The following TNIK variants were observed in gnomAD, a reference collection of about 807,000 sequenced individuals.
TNIK encodes TRAF2 and NCK interacting kinase, also known as TRAF2 and NCK-interacting protein kinase.
In TNIK, 49 loss-of-function variants were observed where a neutral mutation model predicts 191.3. The ratio of observed to expected loss-of-function variants is 0.26; its 90% CI spans 0.20 to 0.32. TNIK has a LOEUF of 0.32. TNIK is among the 10% of genes least tolerant of loss of function. TNIK has a pLI of 1.00. For missense variants in TNIK, 1,155 were observed against 1,702.3 expected, an observed-to-expected ratio of 0.68 and a Z score of 5.66; for synonymous variants, 594 against 600.9, an observed-to-expected ratio of 0.99 and a Z score of 0.17.
At chr3:171,149,224 A>C (rs1288300831) in intron 12 of TNIK, among the ~76,000 whole-genome samples, 1 of 152,220 alleles carries the variant, frequency 6.6e-6, no homozygotes, top group Non-Finnish European at 1.5e-5. Context: ...TAGACAACGG[A>C]GGGTAGGTCT....
chr3:171,199,838 G>A (rs1221784957), intron 4 of TNIK, among the ~76,000 whole-genome samples: 1 of 152,206 alleles, frequency 6.6e-6, no homozygotes, highest in Admixed American at 6.5e-5. Flanking sequence ...ATCTCAAGAT[G>A]TATTTATGAT....
rs999240269 is a variant in TNIK, at chr3:171,169,263, TATTATC to T, written c.774-1999_774-1994del. Among the ~76,000 whole-genome samples the T allele has an allele frequency of 7.9e-5, 12 of 152,202 alleles. No homozygotes were observed. In the South Asian group the frequency reaches 1.0e-3, roughly 13 times the overall value. On this transcript the variant is annotated intron_variant, in intron 9 of 32. Coordinates refer to ENST00000436636, the MANE Select transcript of TNIK (RefSeq NM_015028.4). Reference sequence around the variant, plus strand: ...GGCAACTAGAAGGAAGTGCTTATTTTATTATCATTATTTTTTTTTTTTTAGATGGAG... The same window carrying T: ...GGCAACTAGAAGGAAGTGCTTATTTTATTATTTTTTTTTTTTTAGATGGAG...
Position 171,211,599 on chromosome 3 carries a change from C to G in TNIK, c.181-358G>C, listed in dbSNP as rs145568360. Among the ~76,000 whole-genome samples the G allele has an allele frequency of 1.7e-4, 26 of 152,282 alleles. 1 individual carries two copies. The East Asian group carries it at 4.8e-3, about 28-fold the overall frequency. On this transcript the variant is annotated intron_variant, in intron 3 of 32. Transcript: ENST00000436636. ...ATCAAGTAGCTATTACTGATTCTAT[C>G]TGGTATAAGAAAGATTGAGGAAAAT...
intron 2 of TNIK, among the ~76,000 whole-genome samples, chr3:171,262,025 C>T (rs765151862): frequency 6.6e-6 from 1 of 152,232 alleles, no homozygotes; most frequent in South Asian, 2.1e-4. Flanking sequence ...AACCCAGCAG[C>T]GGGGTCAGTG....
At chr3:171,381,203 T>C (rs1010732310) in intron 1 of TNIK, among the ~76,000 whole-genome samples, 4 of 152,216 alleles carry the variant, frequency 2.6e-5, no homozygotes, top group African/African-American at 9.7e-5. Flanking sequence ...AAAAGCTTTT[T>C]GGCAGACTCA....
intron 4 of TNIK, among the ~76,000 whole-genome samples, chr3:171,204,787 A>G (rs1739856741): frequency 6.6e-6 from 1 of 152,228 alleles, no homozygotes; most frequent in South Asian, 2.1e-4. Flanking sequence ...CCTATTTAGA[A>G]CATCAGCTTC....
At position 171,107,963 on chromosome 3, in the gene TNIK, C is replaced by G. The variant is rs182565741; in HGVS notation, c.2382+102G>C. On this transcript the variant is annotated intron_variant, in intron 20 of 32. Coordinates refer to ENST00000436636, the MANE Select transcript of TNIK (RefSeq NM_015028.4). ...TTCTAGCATCCGTTCTTACTAATCT[C>G]AACAATTTTTGTTTGCATCATGAGT... 2.0e-5 allele frequency: 24 copies of G among 1,189,738 alleles called. 1 individual carries two copies. In the East Asian group the frequency reaches 3.4e-4, roughly 17 times the overall value. 73.7% of individuals were successfully genotyped at this position (1,189,738 alleles called of 1,614,324 possible). A position where few individuals can be genotyped will look rare whatever the true frequency, so the allele number is the denominator to read the frequency against.
chr3:171,249,432 T>A (rs1745984137), intron 2 of TNIK, among the ~76,000 whole-genome samples: 1 of 152,176 alleles, frequency 6.6e-6, no homozygotes, highest in Non-Finnish European at 1.5e-5. Flanking sequence ...TCACCATTAC[T>A]AGACAAGACA....
chr3:171,087,667 G>T (rs746243184), intron 23 of TNIK, among the ~76,000 whole-genome samples, 161 bp from the exon 24 acceptor site: 12 of 152,170 alleles, frequency 7.9e-5, no homozygotes, highest in Non-Finnish European at 1.6e-4. Flanking sequence ...AAACAAAAAA[G>T]AAATTAAGCT....
intron 3 of TNIK, among the ~76,000 whole-genome samples, chr3:171,216,820 T>C (rs1741510756): frequency 6.6e-6 from 1 of 151,998 alleles, no homozygotes; most frequent in Non-Finnish European, 1.5e-5. Context: ...TTACAATAGA[T>C]TGTAATAAAT....
At chr3:171,333,302 T>C (rs1756591601) in intron 2 of TNIK, among the ~76,000 whole-genome samples, 1 of 151,978 alleles carries the variant, frequency 6.6e-6, no homozygotes, top group African/African-American at 2.4e-5. Flanking sequence ...ACACCTATAA[T>C]CCCAGCACTT....
chr3:171,133,101 G>A (rs946430600), intron 15 of TNIK, among the ~76,000 whole-genome samples: 3 of 152,162 alleles, frequency 2.0e-5, no homozygotes, highest in Non-Finnish European at 4.4e-5. Flanking sequence ...CCCCTGCTCC[G>A]GGTCACCTCT....
rs1232870499 is a variant in TNIK, at chr3:171,210,582, TAC to T, written c.306+532_306+533del. Among the ~76,000 whole-genome samples the T allele has an allele frequency of 4.6e-5, 7 of 152,256 alleles. No individual in the cohort carries two copies. The South Asian group carries it at 8.3e-4, about 18-fold the overall frequency. ...CAGACACTGTATTAGGTATTTTACT[TAC>T]AGAGTTAAAGTTTATGTTTCAGTCG... On this transcript the variant is annotated intron_variant, in intron 4 of 32. Transcript: ENST00000436636.
chr3:171,256,560 T>A lies in TNIK; in HGVS notation c.124-28339A>T, dbSNP rs138395206. 2.3e-4 allele frequency among the ~76,000 whole-genome samples: 35 copies of A among 152,264 alleles called. No individual in the cohort carries two copies. In the East Asian group the frequency reaches 5.8e-3, roughly 25 times the overall value. ...GCCATGAAGAATCATGGGGAGCTACTTCATAAACACTTTAGGAAATACTGT... is the reference window on the plus strand; with the variant it reads ...GCCATGAAGAATCATGGGGAGCTACATCATAAACACTTTAGGAAATACTGT... On this transcript the variant is annotated intron_variant, in intron 2 of 32. Coordinates refer to ENST00000436636, the MANE Select transcript of TNIK (RefSeq NM_015028.4).
At chr3:171,358,499 C>G (rs1260350625) in intron 2 of TNIK, among the ~76,000 whole-genome samples, 2 of 152,176 alleles carry the variant, frequency 1.3e-5, no homozygotes, top group African/African-American at 4.8e-5. Flanking sequence ...ATCATCTACA[C>G]CTGGCCCCAC....
intron 7 of TNIK, 144 bp downstream of exon 7, chr3:171,188,558 T>G (rs1737650877): frequency 2.2e-6 from 2 of 904,700 alleles, no homozygotes; most frequent in Non-Finnish European, 3.0e-6. Context: ...CTCACTTGAA[T>G]GTCTTACAGG....
chr3:171,256,303 C>T (rs993591287), intron 2 of TNIK, among the ~76,000 whole-genome samples: 7 of 152,050 alleles, frequency 4.6e-5, no homozygotes, highest in African/African-American at 1.7e-4. Context: ...AGGCCCAGGG[C>T]CTAGAGAAAT....
At chr3:171,176,352 A>G (rs1244663856) in intron 8 of TNIK, among the ~76,000 whole-genome samples, 1 of 152,228 alleles carries the variant, frequency 6.6e-6, no homozygotes, top group Non-Finnish European at 1.5e-5. Context: ...CCGAAGGTAA[A>G]AGTCATAAGT....
chr3:171,292,507 A>G lies in TNIK; in HGVS notation c.124-64286T>C, dbSNP rs556154072. Reference sequence around the variant, plus strand: ...CACATGTATGGCTCAAGAATCAGCCAGACTCACGCCTGTAATCCCAGCACT... The same window carrying G: ...CACATGTATGGCTCAAGAATCAGCCGGACTCACGCCTGTAATCCCAGCACT... On this transcript the variant is annotated intron_variant, in intron 2 of 32. Transcript: ENST00000436636. Among the ~76,000 whole-genome samples, 7 of 152,272 alleles carry G rather than the reference A, an allele frequency of 4.6e-5. No individual in the cohort carries two copies. In the East Asian group the frequency reaches 1.2e-3, roughly 25 times the overall value.
Sources: allele counts gnomAD v4.1 joint callset (sites outside exome capture counted in the v4.1 genomes callset), GRCh38; gene constraint gnomAD v4.1.1; transcripts MANE v1.5; gene names NCBI Gene and HGNC (gene_info 2026-07-23, HGNC 2026-07-21).